TTLL4: variants seen among roughly 807,000 people sequenced by gnomAD.
TTLL4 encodes the protein tubulin monoglutamylase TTLL4.
A neutral mutation model predicts 122.7 loss-of-function variants in TTLL4; 85 were observed. The observed-to-expected ratio is 0.69, with a 90% CI of 0.58 to 0.83. TTLL4 has a LOEUF of 0.83. TTLL4 is among the 40% of genes least tolerant of loss of function. The pLI is 0.00. For missense variants in TTLL4, 1,363 were observed against 1,488.6 expected (o/e 0.92, Z 1.39); for synonymous variants, 553 against 563.0 (o/e 0.98, Z 0.25).
intron 19 of TTLL4, 29 bp from the exon 20 acceptor site, chr2:218,754,105 T>A: frequency 6.2e-7 from 1 of 1,613,412 alleles, no homozygotes; most frequent in East Asian, 2.2e-5. Context: ...AGTGTCTCAG[T>A]CATTTCTTTC....
chr2:218,726,965 A>G (rs1942217680), intron 1 of TTLL4, among the ~76,000 whole-genome samples: 1 of 152,036 alleles, frequency 6.6e-6, no homozygotes, highest in Non-Finnish European at 1.5e-5. Context: ...GTGCACCACC[A>G]TGCTGGCTAA....
intron 1 of TTLL4, among the ~76,000 whole-genome samples, chr2:218,719,348 G>A (rs1004085089): frequency 1.3e-5 from 2 of 152,172 alleles, no homozygotes; most frequent in Non-Finnish European, 2.9e-5. Flanking sequence ...CCTTGGGAAA[G>A]TATCACGTGA....
intron 2 of TTLL4, among the ~76,000 whole-genome samples, chr2:218,731,756 G>A (rs1402984108): frequency 6.6e-6 from 1 of 152,222 alleles, no homozygotes; most frequent in African/African-American, 2.4e-5. Context: ...TGCGGTTTCA[G>A]AGTTGCATGT....
At position 218,715,586 on chromosome 2, in the gene TTLL4, A is replaced by G. The variant is rs559963154; in HGVS notation, c.-178+4549A>G. On this transcript the variant is annotated intron_variant, in intron 1 of 19. Transcript: ENST00000392102. ...CAGTTGCAACACAATGCATCTAAAC[A>G]TTGAAGCATAGAAAAGGCTACTGTA... 2.2e-4 allele frequency among the ~76,000 whole-genome samples: 33 copies of G among 152,266 alleles called. No homozygotes were observed. The East Asian group carries it at 3.1e-3, about 14-fold the overall frequency.
chr2:218,721,948 ACT>A (rs1368908856), intron 1 of TTLL4, among the ~76,000 whole-genome samples: 3 of 151,892 alleles, frequency 2.0e-5, no homozygotes, highest in South Asian at 4.2e-4. Context: ...ACATAGTGAG[ACT>A]CTGTCTCTAT....
intron 1 of TTLL4, among the ~76,000 whole-genome samples, chr2:218,724,416 A>G (rs929638140): frequency 6.6e-6 from 1 of 152,146 alleles, no homozygotes; most frequent in Non-Finnish European, 1.5e-5. Flanking sequence ...TACCTGAAAC[A>G]GGCCTACCCT....
chr2:218,716,421 T>C (rs1302115663), intron 1 of TTLL4, among the ~76,000 whole-genome samples: 1 of 151,502 alleles, frequency 6.6e-6, no homozygotes, highest in Non-Finnish European at 1.5e-5. Flanking sequence ...ATGTTTTATA[T>C]GTACTTCACA....
At chr2:218,754,081 A>T in intron 19 of TTLL4, 53 bp from the exon 20 acceptor site, 1 of 1,606,948 alleles carries the variant, frequency 6.2e-7, no homozygotes, top group East Asian at 2.2e-5. Flanking sequence ...CCTAAGGTAA[A>T]GTCTCAGTTA....
intron 2 of TTLL4, among the ~76,000 whole-genome samples, chr2:218,728,946 G>A (rs1158623019): frequency 7.8e-5 from 3 of 38,658 alleles, no homozygotes; most frequent in African/African-American, 1.6e-4. Context: ...TTTTTTGGCG[G>A]GGGGGGGCAT....
At chr2:218,745,660 C>G (rs1357243233) in intron 6 of TTLL4, 31 bp from the exon 7 acceptor site, 26 of 1,436,790 alleles carry the variant, frequency 1.8e-5, no homozygotes, top group Non-Finnish European at 2.4e-5. Context: ...CTCTCCATCC[C>G]CCATCCCCAC....
chr2:218,748,327 T>G, intron 12 of TTLL4, 100 bp downstream of exon 12: 2 of 1,509,208 alleles, frequency 1.3e-6, no homozygotes, highest in African/African-American at 2.8e-5. Flanking sequence ...AGGATTAATA[T>G]AAGACCCAGA....
chr2:218,734,807 A>C (rs1032920628), intron 2 of TTLL4, among the ~76,000 whole-genome samples: 3 of 152,198 alleles, frequency 2.0e-5, no homozygotes, highest in Admixed American at 6.5e-5. Flanking sequence ...TGTACTTAAT[A>C]CACATGCATG....
chr2:218,716,713 C>G (rs1941871242), intron 1 of TTLL4, among the ~76,000 whole-genome samples: 2 of 152,074 alleles, frequency 1.3e-5, no homozygotes, highest in Admixed American at 1.3e-4. Flanking sequence ...GGCGTGAACC[C>G]AGGAGGCGGA....
In TTLL4 at chr2:218,752,794, C is replaced by T. The variant is rs1418404738; in HGVS notation, c.3008C>T (p.Thr1003Ile). Residue 1003 changes from threonine to isoleucine, a missense_variant, in exon 17 of 20, where the codon ACA (threonine) becomes ATA (isoleucine). Coordinates refer to ENST00000392102, the MANE Select transcript of TTLL4 (RefSeq NM_014640.5). ...DFYASVLDVL[T>I]PDDVRILVEM... ...TATGCATCTGTGCTGGATGTCCTGA[C>T]ACCAGATGATGTTCGGATTCTGGTT... 17 of 1,614,100 alleles carry T rather than the reference C, an allele frequency of 1.1e-5. No homozygotes were observed. In the South Asian group the frequency reaches 1.1e-4, roughly 10 times the overall value.
At chr2:218,730,341 A>AAAAAAAAAAG (rs1942340978) in intron 2 of TTLL4, among the ~76,000 whole-genome samples, 1 of 115,050 alleles carries the variant, frequency 8.7e-6, no homozygotes, top group Non-Finnish European at 1.8e-5. Context: ...AAAAAAAAAA[A>AAAAAAAAAAG]AAAAAAAAGA....
At chr2:218,759,260 TAGGA>T (rs1262118133), downstream of TTLL4, among the ~76,000 whole-genome samples, 1 of 126,542 alleles carries the variant, frequency 7.9e-6, no homozygotes, top group African/African-American at 3.1e-5. Flanking sequence ...AATAAATAAA[TAGGA>T]AGAGTTCAGG....
intron 1 of TTLL4, among the ~76,000 whole-genome samples, chr2:218,720,674 C>CAAA (rs369308487): frequency 4.1e-5 from 3 of 72,382 alleles, no homozygotes; most frequent in African/African-American, 1.4e-4. Flanking sequence ...ACTCCGGTCT[C>CAAA]AAAAAAAAAA....
downstream of TTLL4, among the ~76,000 whole-genome samples, chr2:218,756,749 G>A (rs1486908781): frequency 6.6e-6 from 1 of 152,180 alleles, no homozygotes; most frequent in Non-Finnish European, 1.5e-5. Context: ...AACTTACCTA[G>A]TCTATTTGGA....
At chr2:218,711,690 A>G (rs956342494) in intron 1 of TTLL4, among the ~76,000 whole-genome samples, 7 of 152,060 alleles carry the variant, frequency 4.6e-5, no homozygotes, top group African/African-American at 1.7e-4. Flanking sequence ...ATTATTAATC[A>G]AGTAAACGAG....
Sources: gnomAD v4.1 joint callset for allele counts (sites outside exome capture counted in the v4.1 genomes callset) on GRCh38, gnomAD v4.1.1 for gene constraint, MANE v1.5 for transcripts, NCBI Gene and HGNC (gene_info 2026-07-23, HGNC 2026-07-21) for gene names.